The following CFAP43 variants were observed in gnomAD, a reference collection of about 807,000 sequenced individuals.
The protein encoded by CFAP43 is cilia- and flagella-associated protein 43.
Under a neutral mutation model 218.9 loss-of-function variants are expected in CFAP43, and 155 were observed. The ratio of observed to expected loss-of-function variants is 0.71; its 90% CI spans 0.62 to 0.81. The LOEUF (loss-of-function observed/expected upper bound fraction) is 0.81, where lower values mean the gene tolerates loss of function less well. Ranked by LOEUF, CFAP43 falls within the 30% of genes least tolerant of loss-of-function variation. The pLI is 0.00. For missense variants in CFAP43, 1,778 were observed against 1,954.3 expected, an observed-to-expected ratio of 0.91 and a Z score of 1.70; for synonymous variants, 645 against 681.3, an observed-to-expected ratio of 0.95 and a Z score of 0.83.
chr10:104,166,404 G>T lies in CFAP43; in HGVS notation c.3039+84C>A, dbSNP rs993980988. The T allele has an allele frequency of 2.1e-5, 19 of 925,732 alleles. No homozygotes were observed. The African/African-American group carries it at 2.7e-4, about 13-fold the overall frequency. 57.3% of individuals were successfully genotyped at this position (925,732 alleles called of 1,614,324 possible). ...TGTATTTTTAAATCATCATTTGATT[G>T]GCATTTGTTTTCAATGTGAGGCCTT... On this transcript the variant is annotated intron_variant, in intron 23 of 37. Coordinates refer to ENST00000357060, the MANE Select transcript of CFAP43 (RefSeq NM_025145.7).
intron 17 of CFAP43, among the ~76,000 whole-genome samples, chr10:104,180,478 C>T (rs1388238030): frequency 7.0e-6 from 1 of 142,180 alleles, no homozygotes; most frequent in African/African-American, 2.7e-5. Context: ...CGGAGTCTTG[C>T]TCTGTCACCC....
chr10:104,167,079 G>C (rs1312467979), intron 22 of CFAP43, among the ~76,000 whole-genome samples: 1 of 152,184 alleles, frequency 6.6e-6, no homozygotes, highest in African/African-American at 2.4e-5. Flanking sequence ...CAAAGGATCA[G>C]TGGGTGAAGG....
chr10:104,130,064 A>G lies in CFAP43; in HGVS notation c.*75T>C, dbSNP rs1449498996. The stretch of plus-strand genomic sequence containing the variant: ...TACTTCAATTTCCCAGTAAGAAAGA[A>G]AAGGAAATCATTTTACCCAAATGAA... On this transcript the variant is annotated 3_prime_UTR_variant, in exon 38 of 38. Transcript: ENST00000357060. 1 of 1,467,048 alleles carries G rather than the reference A, an allele frequency of 6.8e-7. No homozygotes were observed. The highest frequency in any genetic ancestry group is 2.7e-5 in the Admixed American group (1 of 36,934). 90.9% of individuals were successfully genotyped at this position (1,467,048 alleles called of 1,614,324 possible).
chr10:104,174,374 A>T (rs534912614), intron 19 of CFAP43, among the ~76,000 whole-genome samples: 1 of 152,360 alleles, frequency 6.6e-6, no homozygotes, highest in South Asian at 2.1e-4. Context: ...AGACAAGAGA[A>T]GAGAGCTTGT....
intron 6 of CFAP43, among the ~76,000 whole-genome samples, chr10:104,207,296 G>A (rs79582344): frequency 0.012 from 1,759 of 152,242 alleles, 26 homozygotes; most frequent in African/African-American, 0.036. Flanking sequence ...GAAAGGGTAT[G>A]ATTAGCAGAC....
At chr10:104,162,225 C>A in intron 25 of CFAP43, 92 bp downstream of exon 25, 1 of 1,343,026 alleles carries the variant, frequency 7.4e-7, no homozygotes, top group Non-Finnish European at 1.1e-6. Flanking sequence ...CTGACCACGA[C>A]AAATGTGTTG....
At chr10:104,207,524 G>C in intron 6 of CFAP43, 141 bp downstream of exon 6, 1 of 726,992 alleles carries the variant, frequency 1.4e-6, no homozygotes, top group Non-Finnish European at 2.2e-6. Flanking sequence ...AGTGATGGTA[G>C]AATGCCAACA....
intron 3 of CFAP43, among the ~76,000 whole-genome samples, chr10:104,223,149 T>A (rs1386487835): frequency 6.6e-6 from 1 of 152,244 alleles, no homozygotes; most frequent in Non-Finnish European, 1.5e-5. Flanking sequence ...CTCAAGGTGG[T>A]GGGCATGTAG....
chr10:104,192,546 G>A (rs1318366407), intron 11 of CFAP43: 1 of 422,452 alleles, frequency 2.4e-6, no homozygotes. Context: ...CAGTAAAGAT[G>A]GGCAGTTGGT....
intron 17 of CFAP43, among the ~76,000 whole-genome samples, chr10:104,180,706 A>C (rs916492449): frequency 1.3e-5 from 2 of 152,032 alleles, no homozygotes; most frequent in Non-Finnish European, 2.9e-5. Context: ...CGGCCTCCCA[A>C]AGTGCTGGGA....
chr10:104,184,933 G>C, intron 16 of CFAP43, 83 bp downstream of exon 16: 2 of 1,537,800 alleles, frequency 1.3e-6, no homozygotes, highest in Non-Finnish European at 1.7e-6. Context: ...CAGCACGTTG[G>C]CCTTGCTGTA....
At chr10:104,225,166 G>GT (rs368367674) in intron 3 of CFAP43, among the ~76,000 whole-genome samples, 3 of 151,648 alleles carry the variant, frequency 2.0e-5, no homozygotes, top group Non-Finnish European at 2.9e-5. Flanking sequence ...GATGCCATTT[G>GT]TTTTTTTTAA....
chr10:104,164,128 T>A lies in CFAP43; in HGVS notation c.3212A>T (p.Lys1071Met). 5 of 1,614,210 alleles carry A rather than the reference T, an allele frequency of 3.1e-6. No individual in the cohort carries two copies. Among genetic ancestry groups the A allele is most frequent in the Non-Finnish European group, 4.2e-6 (5 of 1,180,032 alleles). ...VWQPEFEDCE[K>M]PERTLVVQDE... is the part of the protein sequence containing the mutation. ...TTGCACAACAAGCGTTCTCTCTGGC[T>A]TCTCACAGTCTTCAAATTCTGGTTG... is the stretch of plus-strand genomic sequence containing the variant. Residue 1071 changes from lysine (K) to methionine (M), a missense_variant, in exon 24 of 38, where the codon AAG becomes ATG. Transcript: ENST00000357060.
Position 104,166,506 on chromosome 10 carries a change from G to A in CFAP43, c.3021C>T (p.Asn1007=). The change falls in exon 23 of 38, where the codon AAC becomes AAT. Residue 1007 remains asparagine (N), a synonymous_variant. Coordinates refer to ENST00000357060, the MANE Select transcript of CFAP43 (RefSeq NM_025145.7). ...LELHSREEKI[N]QIILLKDIIY... ...GACCCACTTTCAATAATATAATTTGGTTGATTTTCTCTTCTCTGGAATGAA... is the reference window on the plus strand; with the variant it reads ...GACCCACTTTCAATAATATAATTTGATTGATTTTCTCTTCTCTGGAATGAA... 6.2e-7 allele frequency: 1 copy of A among 1,612,812 alleles called. No individual in the cohort carries two copies. Among genetic ancestry groups the A allele is most frequent in the Non-Finnish European group, 8.5e-7 (1 of 1,179,580 alleles).
At chr10:104,230,268 C>T (rs183201364) in intron 2 of CFAP43, among the ~76,000 whole-genome samples, 1 of 151,932 alleles carries the variant, frequency 6.6e-6, no homozygotes, top group Non-Finnish European at 1.5e-5. Context: ...AGTTGGAGAA[C>T]AGCCTGACCA....
chr10:104,228,715 C>CT (rs2091368957), intron 2 of CFAP43, among the ~76,000 whole-genome samples: 1 of 151,912 alleles, frequency 6.6e-6, no homozygotes. Context: ...GTCACTCACA[C>CT]TTTTTTTTGA....
intron 11 of CFAP43, chr10:104,192,984 A>G (rs1219728915): frequency 6.6e-6 from 1 of 152,328 alleles, no homozygotes; most frequent in East Asian, 1.9e-4. Context: ...AGGGATAAGA[A>G]TAACACCTTT....
chr10:104,148,159 A>C (rs2088068476), intron 28 of CFAP43, among the ~76,000 whole-genome samples, 161 bp from the exon 29 acceptor site: 1 of 152,204 alleles, frequency 6.6e-6, no homozygotes, highest in African/African-American at 2.4e-5. Flanking sequence ...TATTGAAATA[A>C]CTTCAGTTAT....
Position 104,230,600 on chromosome 10 carries a change from G to A in CFAP43, c.309C>T (p.Thr103=). Reference sequence around the variant, plus strand: ...GGTTCTCTAGAATACCTTTCAATTTGGTCCTTCTGGTCAATCCTGGAAAGC... The same window carrying A: ...GGTTCTCTAGAATACCTTTCAATTTAGTCCTTCTGGTCAATCCTGGAAAGC... ...VYSFPGLTRR[T]KLKGNILLDY... The change falls in exon 2 of 38, where the codon ACC becomes ACT. Residue 103 remains threonine (T), a synonymous_variant. Transcript: ENST00000357060. 1 of 1,613,830 alleles carries A rather than the reference G, an allele frequency of 6.2e-7. No homozygotes were observed. Among genetic ancestry groups the A allele is most frequent in the Non-Finnish European group, 8.5e-7 (1 of 1,179,936 alleles).
Sources: allele counts gnomAD v4.1 joint callset (sites outside exome capture counted in the v4.1 genomes callset), GRCh38; gene constraint gnomAD v4.1.1; transcripts MANE v1.5; gene names NCBI Gene and HGNC (gene_info 2026-07-23, HGNC 2026-07-21).